The following UBP1 variants were observed in gnomAD, a reference collection of about 807,000 sequenced individuals.
The protein encoded by UBP1 is upstream-binding protein 1.
In UBP1, 22 loss-of-function variants were observed where a neutral mutation model predicts 76.1. The observed-to-expected ratio is 0.29, with a 90% CI of 0.21 to 0.41. UBP1 has a LOEUF of 0.41. Ranked by LOEUF, UBP1 falls within the 10% of genes least tolerant of loss-of-function variation. The pLI, the probability that UBP1 is intolerant of heterozygous loss-of-function variation, is 1.00. For synonymous variants in UBP1, 224 were observed against 237.1 expected, an observed-to-expected ratio of 0.94 and a Z score of 0.51; for missense variants, 436 against 668.1, an observed-to-expected ratio of 0.65 and a Z score of 3.83.
intron 8 of UBP1, 133 bp downstream of exon 8, chr3:33,408,557 A>G: frequency 4.7e-6 from 3 of 643,940 alleles, no homozygotes; most frequent in East Asian, 3.0e-5. Context: ...CAGGAAGTCT[A>G]AACAAAAGCA....
intron 4 of UBP1, among the ~76,000 whole-genome samples, chr3:33,412,259 ATTAG>A (rs1291237547): frequency 6.6e-6 from 1 of 151,936 alleles, no homozygotes; most frequent in African/African-American, 2.4e-5. Flanking sequence ...CCAGGTTCAC[ATTAG>A]TTTAGCACCA....
chr3:33,397,204 T>C, intron 11 of UBP1, 69 bp from the exon 12 acceptor site: 5 of 1,203,640 alleles, frequency 4.2e-6, no homozygotes, highest in Non-Finnish European at 5.9e-6. Context: ...CAGGCATCTG[T>C]CTTCATGCAG....
chr3:33,410,559 T>C (rs1030737363), intron 5 of UBP1, among the ~76,000 whole-genome samples: 2 of 152,236 alleles, frequency 1.3e-5, no homozygotes, highest in African/African-American at 4.8e-5. Context: ...ATGCAAAGCA[T>C]AGCTTATGAA....
chr3:33,411,682 G>C lies in UBP1; in HGVS notation c.454C>G (p.Pro152Ala). The C allele has an allele frequency of 6.2e-7, 1 of 1,612,520 alleles. No individual in the cohort carries two copies. Among genetic ancestry groups the C allele is most frequent in the Non-Finnish European group, 8.5e-7 (1 of 1,178,730 alleles). ...PGDRLLDLDI[P>A]MSVGIIDTRT... ...GTGTCAATTATTCCCACAGACATTG[G>C]AATATCTATGTTTTAAAAAGAAGTT... The change falls in exon 5 of 16, where the codon CCA becomes GCA. Residue 152 changes from proline (P) to alanine (A), a missense_variant. Pro to Ala is a conservative substitution (Grantham distance 27). This residue lies in a region of UBP1 where 161 missense variants were observed against 237.9 expected (regional missense o/e 0.68). Coordinates refer to ENST00000283629, the MANE Select transcript of UBP1 (RefSeq NM_014517.5).
At chr3:33,411,240 G>A (rs2044573612) in intron 5 of UBP1, among the ~76,000 whole-genome samples, 1 of 152,078 alleles carries the variant, frequency 6.6e-6, no homozygotes, top group South Asian at 2.1e-4. Context: ...AATGCTAGAA[G>A]GAATTTTAAA....
chr3:33,393,312 C>A lies in UBP1; in HGVS notation c.1533G>T (p.Gln511His). 2 of 1,600,752 alleles carry A rather than the reference C, an allele frequency of 1.2e-6. No individual in the cohort carries two copies. Among genetic ancestry groups the A allele is most frequent in the South Asian group, 1.1e-5 (1 of 87,520 alleles). ...AGGAAAAACAAATGATTTGATTTAC[C>A]TGATCACTAACAAGAATGTGAATAC... is the stretch of plus-strand genomic sequence containing the variant. Reference protein sequence around the residue: ...PTGIHILVSDQMVQNFQDESC... With the variant: ...PTGIHILVSDHMVQNFQDESC... Residue 511 changes from glutamine (Q) to histidine (H), a missense_variant and splice_region_variant, in exon 14 of 16, where the codon CAG (glutamine) becomes CAT (histidine). By Grantham distance (24) the Gln-to-His change is conservative. Around this residue, in one of 3 missense-constraint regions of UBP1, gnomAD observed 210 missense variants for 272.8 expected, o/e 0.77. Coordinates refer to ENST00000283629, the MANE Select transcript of UBP1 (RefSeq NM_014517.5).
intron 10 of UBP1, 49 bp downstream of exon 10, chr3:33,400,913 A>C (rs762075669): frequency 1.3e-6 from 2 of 1,558,952 alleles, no homozygotes; most frequent in Admixed American, 4.1e-5. Flanking sequence ...AAAACTTTAA[A>C]ATGTAGAACC....
intron 9 of UBP1, 140 bp downstream of exon 9, chr3:33,402,661 C>T: frequency 9.4e-6 from 5 of 530,002 alleles, no homozygotes; most frequent in Middle Eastern, 3.1e-4. Context: ...TGTCCTCTGC[C>T]ACCAAGATAC....
chr3:33,431,944 G>A (rs2045121419), intron 1 of UBP1, among the ~76,000 whole-genome samples: 1 of 152,074 alleles, frequency 6.6e-6, no homozygotes. Flanking sequence ...GACAGCCAAG[G>A]TCATGAACCA....
chr3:33,395,543 A>C (rs1171164752), intron 13 of UBP1, among the ~76,000 whole-genome samples: 1 of 152,110 alleles, frequency 6.6e-6, no homozygotes, highest in Non-Finnish European at 1.5e-5. Flanking sequence ...TTAAATGCTC[A>C]GGATGAGAAG....
At chr3:33,394,661 T>C (rs189765295) in intron 13 of UBP1, among the ~76,000 whole-genome samples, 5 of 152,198 alleles carry the variant, frequency 3.3e-5, no homozygotes, top group Admixed American at 2.0e-4. Context: ...ACTGAGAACT[T>C]TGCTTCCCCA....
At position 33,402,918 on chromosome 3, in the gene UBP1, CAG is replaced by C. The variant is rs772675288; in HGVS notation, c.928-16_928-15del. On this transcript the variant is annotated splice_polypyrimidine_tract_variant and intron_variant, in intron 8 of 15. Coordinates refer to ENST00000283629, the MANE Select transcript of UBP1 (RefSeq NM_014517.5). ...CCACGGAGAACACTAAGGACAGAAA[CAG>C]AAATAAATTAGTGATATGCTTTTAA... 394 of 1,586,742 alleles carry C rather than the reference CAG, an allele frequency of 2.5e-4. No individual in the cohort carries two copies. The highest frequency in any genetic ancestry group is 3.3e-4 in the Non-Finnish European group (380 of 1,163,180).
chr3:33,425,864 A>T, intron 1 of UBP1, 123 bp from the exon 2 acceptor site: 1 of 824,678 alleles, frequency 1.2e-6, no homozygotes, highest in Non-Finnish European at 1.6e-6. Context: ...ATTTAGGGAT[A>T]GTTTTTTTTT....
At chr3:33,437,378 C>G (rs113887848) in intron 1 of UBP1, among the ~76,000 whole-genome samples, 2 of 152,182 alleles carry the variant, frequency 1.3e-5, no homozygotes, top group Non-Finnish European at 2.9e-5. Flanking sequence ...CAATCTCCCA[C>G]GTAGCTAGGT....
intron 8 of UBP1, 109 bp from the exon 9 acceptor site, chr3:33,403,013 G>T: frequency 2.0e-6 from 2 of 999,394 alleles, no homozygotes; most frequent in Non-Finnish European, 1.5e-6. Flanking sequence ...ATGCGAGACA[G>T]CTGACATTTA....
chr3:33,397,292 T>TGTCC lies in UBP1; in HGVS notation c.1181-161_1181-158dup, dbSNP rs1219805677. On this transcript the variant is annotated intron_variant, in intron 11 of 15. Coordinates refer to ENST00000283629, the MANE Select transcript of UBP1 (RefSeq NM_014517.5). ...CAATATAAGAAGACAAACAGACACC[T>TGTCC]GTCCTTCAGAGCCAAGGAAAATGCT... The TGTCC allele has an allele frequency of 9.6e-6, 5 of 518,950 alleles. No homozygotes were observed. The Admixed American group carries it at 1.2e-4, about 12-fold the overall frequency. The allele number at this position is 518,950 out of a possible 1,614,324, so 32.1% of individuals were successfully genotyped here. A position where few individuals can be genotyped will look rare whatever the true frequency, so the allele number is the denominator to read the frequency against.
chr3:33,390,465 A>G lies in UBP1; in HGVS notation c.1586-97T>C, dbSNP rs1004516295. 3.2e-6 allele frequency: 4 copies of G among 1,257,184 alleles called. No homozygotes were observed. The African/African-American group carries it at 6.0e-5, about 19-fold the overall frequency. 77.9% of individuals were successfully genotyped at this position (1,257,184 alleles called of 1,614,324 possible). On this transcript the variant is annotated intron_variant, in intron 15 of 15. Transcript: ENST00000283629. ...CTGCCAACTACAACCTCCCTTCCCA[A>G]TTCAGAGGTTACCTTTAAATGATTC... is the stretch of plus-strand genomic sequence containing the variant.
At chr3:33,436,297 C>T (rs1008290725) in intron 1 of UBP1, among the ~76,000 whole-genome samples, 2 of 152,176 alleles carry the variant, frequency 1.3e-5, no homozygotes, top group Non-Finnish European at 2.9e-5. Flanking sequence ...TTCAAGAATA[C>T]ATTGTATCAT....
At chr3:33,401,716 G>A (rs1429589189) in intron 9 of UBP1, among the ~76,000 whole-genome samples, 1 of 152,186 alleles carries the variant, frequency 6.6e-6, no homozygotes, top group Non-Finnish European at 1.5e-5. Flanking sequence ...GGGTCTGTCT[G>A]TTTGGGCACT....
Sources: allele counts gnomAD v4.1 joint callset (sites outside exome capture counted in the v4.1 genomes callset), GRCh38; gene constraint gnomAD v4.1.1; regional missense constraint gnomAD v4.1.1; transcripts MANE v1.5; gene names NCBI Gene and HGNC (gene_info 2026-07-23, HGNC 2026-07-21).